Variants in NLRP12 observed in about 807,000 individuals in gnomAD.
NLRP12 encodes NLR family pyrin domain containing 12, also known as NACHT, LRR and PYD domains-containing protein 12.
A neutral mutation model predicts 91.2 loss-of-function variants in NLRP12; 108 were observed. The observed-to-expected ratio is 1.18, with a 90% CI of 1.01 to 1.39. NLRP12 has a LOEUF of 1.39. NLRP12 is among the 40% of genes most tolerant of loss of function. The pLI is 0.00. For synonymous variants in NLRP12, 613 were observed against 566.7 expected, an observed-to-expected ratio of 1.08 and a Z score of -1.16; for missense variants, 1,530 against 1,352.7, an observed-to-expected ratio of 1.13 and a Z score of -2.06.
intron 7 of NLRP12, among the ~76,000 whole-genome samples, chr19:53,800,965 C>T (rs556722460): frequency 5.3e-5 from 8 of 152,072 alleles, no homozygotes; most frequent in Non-Finnish European, 8.8e-5. Flanking sequence ...GAGGCCAAGG[C>T]AGGCAGATCA....
chr19:53,810,568 C>T lies in NLRP12; in HGVS notation c.1091G>A (p.Gly364Asp), dbSNP rs376983164. The T allele has an allele frequency of 5.6e-6, 9 of 1,613,956 alleles. No homozygotes were observed. The African/African-American group carries it at 1.2e-4, about 22-fold the overall frequency. ...TTCCTTCCTTTCTGCCTCAGAGAAG[C>T]CCAGGATCTCCACATGCCTGGGGTG... is the stretch of plus-strand genomic sequence containing the variant. ...LEHPRHVEIL[G>D]FSEAERKEYF... The change falls in exon 3 of 10, where the codon GGC (glycine) becomes GAC (aspartate). Residue 364 changes from glycine to aspartate, a missense_variant. Gly to Asp is a moderately conservative substitution (Grantham distance 94). Transcript: ENST00000324134.
intron 5 of NLRP12, 61 bp downstream of exon 5, chr19:53,805,219 G>T (rs2091937926): frequency 6.5e-7 from 1 of 1,527,970 alleles, no homozygotes; most frequent in Non-Finnish European, 9.1e-7. Context: ...AGCATTTTGT[G>T]ATATTTCATG....
rs144746100 is a variant in NLRP12 at position 53,795,953 on chromosome 19, C to T, written c.3004G>A (p.Asp1002Asn). The change falls in exon 9 of 10, where the codon GAC (aspartate) becomes AAC (asparagine). Residue 1002 changes from aspartate (D) to asparagine (N), a missense_variant. Asp to Asn is a conservative substitution (Grantham distance 23, BLOSUM62 1). Transcript: ENST00000324134. ...AGGGCGTTGTTGGTCAGGTAAAGGT[C>T]GGTCAAGGTCTGGTTGATCCCCAGG... ...FTLGINQTLTDLYLTNNALGD... is the reference protein window; with the variant it reads ...FTLGINQTLTNLYLTNNALGD... 397 of 1,614,118 alleles carry T rather than the reference C, an allele frequency of 2.5e-4. 3 individuals carry two copies. In the African/African-American group the frequency reaches 4.5e-3, roughly 18 times the overall value.
chr19:53,794,477 G>A (rs538058112), intron 9 of NLRP12, among the ~76,000 whole-genome samples: 9 of 142,020 alleles, frequency 6.3e-5, no homozygotes, highest in African/African-American at 8.0e-5. Flanking sequence ...CCACCACCAC[G>A]CCCGGCTAAT....
At chr19:53,818,956 C>T (rs554277240) in intron 1 of NLRP12, among the ~76,000 whole-genome samples, 2 of 152,180 alleles carry the variant, frequency 1.3e-5, no homozygotes, top group South Asian at 2.1e-4. Context: ...AGGGGCATAT[C>T]GATTCTCCAG....
chr19:53,809,548 A>G, intron 3 of NLRP12, 39 bp downstream of exon 3: 1 of 1,491,036 alleles, frequency 6.7e-7, no homozygotes, highest in Non-Finnish European at 9.2e-7. Flanking sequence ...AAAACACACG[A>G]ACCTAAGCAG....
intron 2 of NLRP12, among the ~76,000 whole-genome samples, chr19:53,813,715 CT>C (rs972961682): frequency 2.6e-5 from 4 of 151,388 alleles, no homozygotes; most frequent in Non-Finnish European, 5.9e-5. Context: ...GAGACAGGGT[CT>C]TTCTCACTCC....
intron 4 of NLRP12, among the ~76,000 whole-genome samples, chr19:53,806,653 C>CCTGGTGACAA (rs1206628569): frequency 1.7e-5 from 2 of 120,416 alleles, no homozygotes; most frequent in Non-Finnish European, 3.3e-5. Flanking sequence ...TGCACTCCAG[C>CCTGGTGACAA]CTGGTGACAA....
At chr19:53,816,583 G>A (rs1352390192) in intron 1 of NLRP12, among the ~76,000 whole-genome samples, 2 of 152,016 alleles carry the variant, frequency 1.3e-5, no homozygotes, top group African/African-American at 4.8e-5. Flanking sequence ...GTGCAGTGGC[G>A]CGATCTCGGC....
intron 7 of NLRP12, 117 bp downstream of exon 7, chr19:53,801,110 A>T (rs2122560932): frequency 9.3e-6 from 8 of 856,674 alleles, no homozygotes; most frequent in South Asian, 1.5e-5. Context: ...AAAAAAAAAA[A>T]GGCTGATGTA....
At chr19:53,803,457 G>T (rs1310358365) in intron 6 of NLRP12, among the ~76,000 whole-genome samples, 2 of 151,912 alleles carry the variant, frequency 1.3e-5, no homozygotes, top group African/African-American at 4.8e-5. Context: ...TGGGATTACA[G>T]GCGTGAACTA....
intron 2 of NLRP12, among the ~76,000 whole-genome samples, chr19:53,814,115 G>A (rs1023204774): frequency 3.3e-5 from 5 of 152,106 alleles, no homozygotes; most frequent in Non-Finnish European, 7.4e-5. Flanking sequence ...TTTCTTCCCT[G>A]CCAGCAAACC....
Position 53,809,669 on chromosome 19 carries a change from G to A in NLRP12, c.1990C>T (p.His664Tyr), listed in dbSNP as rs1555795695. The A allele has an allele frequency of 6.2e-7, 1 of 1,614,006 alleles. No homozygotes were observed. Among genetic ancestry groups the A allele is most frequent in the Non-Finnish European group, 8.5e-7 (1 of 1,180,002 alleles). ...LKRCRSAQVL[H>Y]LYGATYSADG... is the part of the protein sequence containing the mutation. ...GCGCTGTAGGTGGCGCCATACAAGT[G>A]CAGCACCTGGGCGCTCCTGCAGCGC... The change falls in exon 3 of 10, where the codon CAC becomes TAC. Residue 664 changes from histidine (H) to tyrosine (Y), a missense_variant. Coordinates refer to ENST00000324134, the MANE Select transcript of NLRP12 (RefSeq NM_144687.4).
At chr19:53,811,820 C>T (rs2092081588) in intron 2 of NLRP12, among the ~76,000 whole-genome samples, 1 of 152,022 alleles carries the variant, frequency 6.6e-6, no homozygotes, top group Admixed American at 6.6e-5. Context: ...CCACCTCGGC[C>T]TTCCAAAGTG....
chr19:53,810,261 T>G lies in NLRP12; in HGVS notation c.1398A>C (p.Ala466=). Residue 466 remains alanine, a synonymous_variant, in exon 3 of 10, where the codon GCA becomes GCC. Transcript: ENST00000324134. ...GGATTTTCTGATTCCAGAGCCCATC[T>G]GCCGCCAAGGAGCACAACCCTCTCT... The part of the protein sequence containing the change: ...PNQRGLCSLA[A]DGLWNQKILF... 6.2e-7 allele frequency: 1 copy of G among 1,614,126 alleles called. No individual in the cohort carries two copies.
chr19:53,815,225 CTTTT>C (rs59179749), intron 1 of NLRP12, among the ~76,000 whole-genome samples: 3 of 96,972 alleles, frequency 3.1e-5, no homozygotes, highest in Admixed American at 1.3e-4. Context: ...TCCAATCAGT[CTTTT>C]TTTTTTTTTT....
At chr19:53,801,504 T>A in intron 6 of NLRP12, 107 bp from the exon 7 acceptor site, 1 of 1,440,128 alleles carries the variant, frequency 6.9e-7, no homozygotes, top group Non-Finnish European at 9.3e-7. Flanking sequence ...CAGGCTGGAA[T>A]GCAGTGGTGC....
intron 4 of NLRP12, 61 bp from the exon 5 acceptor site, chr19:53,805,511 T>C (rs2091944671): frequency 1.3e-6 from 2 of 1,541,570 alleles, no homozygotes; most frequent in Non-Finnish European, 1.7e-6. Context: ...TTGTGGATTA[T>C]TTTCTTTTGC....
intron 9 of NLRP12, among the ~76,000 whole-genome samples, 168 bp from the exon 10 acceptor site, chr19:53,794,304 C>T (rs1444303921): frequency 6.6e-6 from 1 of 151,886 alleles, no homozygotes; most frequent in Non-Finnish European, 1.5e-5. Context: ...TGCAAGTCCC[C>T]AAGCTGTGTT....
Sources: allele counts gnomAD v4.1 joint callset (sites outside exome capture counted in the v4.1 genomes callset), GRCh38; gene constraint gnomAD v4.1.1; transcripts MANE v1.5; gene names NCBI Gene and HGNC (gene_info 2026-07-23, HGNC 2026-07-21).